Variants in CYP2W1 observed in about 807,000 individuals in gnomAD.
CYP2W1 encodes cytochrome P450 2W1.
In CYP2W1, 51 loss-of-function variants were observed where a neutral mutation model predicts 44.9. The observed-to-expected ratio is 1.14, with a 90% CI of 0.91 to 1.43. The LOEUF is 1.43. CYP2W1 is among the 40% of genes most tolerant of loss of function. CYP2W1 has a pLI of 0.00. For synonymous variants in CYP2W1, 383 were observed against 338.3 expected, an observed-to-expected ratio of 1.13 and a Z score of -1.45; for missense variants, 746 against 700.0, an observed-to-expected ratio of 1.07 and a Z score of -0.74.
In CYP2W1 at chr7:987,140, A is replaced by G; in HGVS notation, c.853A>G (p.Asn285Asp). 6.4e-7 allele frequency: 1 copy of G among 1,573,072 alleles called. No individual in the cohort carries two copies. The highest frequency in any genetic ancestry group is 8.6e-7 in the Non-Finnish European group (1 of 1,158,390). ...DDPEGLFAEANAVACTLDMVM... is the reference protein window; with the variant it reads ...DDPEGLFAEADAVACTLDMVM... ...CCCCGAGGGCCTGTTTGCTGAGGCC[A>G]ACGCGGTGGCCTGCACCCTGGACAT... Residue 285 changes from asparagine to aspartate, a missense_variant, in exon 6 of 9, where the codon AAC becomes GAC. Asn to Asp is a conservative substitution (Grantham distance 23). Coordinates refer to ENST00000308919, the MANE Select transcript of CYP2W1 (RefSeq NM_017781.3).
chr7:987,226 C>A lies in CYP2W1; in HGVS notation c.939C>A (p.Gly313=). The A allele has an allele frequency of 6.5e-7, 1 of 1,536,132 alleles. No homozygotes were observed. The highest frequency in any genetic ancestry group is 2.0e-5 in the Admixed American group (1 of 50,458). The change falls in exon 6 of 9, where the codon GGC becomes GGA. Residue 313 remains glycine (G), a synonymous_variant. Transcript: ENST00000308919. ...ATLQWAALLM[G]RHPDVQGRVQ... The stretch of plus-strand genomic sequence containing the variant: ...TGCAGTGGGCCGCACTTCTGATGGG[C>A]CGGCACCCGGACGTGCAGGGTGAGA...
In CYP2W1 at chr7:988,340, G is replaced by A; in HGVS notation, c.1207G>A (p.Gly403Ser). ...GGATGAGACACAGTGGCAGACCCCA[G>A]GCCAGTTCAACCCCGGCCATTTCCT... ...LLDETQWQTP[G>S]QFNPGHFLDA... Residue 403 changes from glycine to serine, a missense_variant, in exon 8 of 9, where the codon GGC (glycine) becomes AGC (serine). Transcript: ENST00000308919. The A allele has an allele frequency of 1.9e-6, 3 of 1,612,558 alleles. No individual in the cohort carries two copies. The highest frequency in any genetic ancestry group is 2.5e-6 in the Non-Finnish European group (3 of 1,179,750).
At chr7:985,418 CT>C in intron 4 of CYP2W1, 95 bp downstream of exon 4, 1 of 1,333,588 alleles carries the variant, frequency 7.5e-7, no homozygotes, top group Non-Finnish European at 1.0e-6. Context: ...CCCCTCTCAG[CT>C]TCTCGGCCCT....
Position 987,473 on chromosome 7 carries a change from C to A in CYP2W1, c.1085C>A (p.Pro362Gln). 6.4e-7 allele frequency: 1 copy of A among 1,560,530 alleles called. No homozygotes were observed. Among genetic ancestry groups the A allele is most frequent in the Non-Finnish European group, 8.6e-7 (1 of 1,161,098 alleles). ...GTGCAGCGGTTCATCACGCTCCTGCCGCACGTGCCCCGCTGCACCGCGGCC... is the reference window on the plus strand; with the variant it reads ...GTGCAGCGGTTCATCACGCTCCTGCAGCACGTGCCCCGCTGCACCGCGGCC... ...HEVQRFITLL[P>Q]HVPRCTAADT... Residue 362 changes from proline to glutamine, a missense_variant, in exon 7 of 9, where the codon CCG (proline) becomes CAG (glutamine). Physicochemically the swap from Pro to Gln is moderately conservative, Grantham distance 76. Coordinates refer to ENST00000308919, the MANE Select transcript of CYP2W1 (RefSeq NM_017781.3).
rs762272792 is a variant in CYP2W1, at chr7:988,785, C to G, written c.1436C>G (p.Pro479Arg). 4 of 1,595,578 alleles carry G rather than the reference C, an allele frequency of 2.5e-6. No individual in the cohort carries two copies. The highest frequency in any genetic ancestry group is 3.4e-6 in the Non-Finnish European group (4 of 1,177,944). ...TTPARAFTMRPRAQALCAVPR... is the reference protein window; with the variant it reads ...TTPARAFTMRRRAQALCAVPR... ...CCCGCCCGGGCTTTTACCATGAGGC[C>G]GAGGGCCCAGGCCCTGTGTGCGGTG... The change falls in exon 9 of 9, where the codon CCG becomes CGG. Residue 479 changes from proline to arginine, a missense_variant. Transcript: ENST00000308919.
Position 988,945 on chromosome 7 carries a change from AC to A in CYP2W1, c.*128del. On this transcript the variant is annotated 3_prime_UTR_variant, in exon 9 of 9. Coordinates refer to ENST00000308919, the MANE Select transcript of CYP2W1 (RefSeq NM_017781.3). ...GAGGGCCCTGAGGACTCCCACCCTC[AC>A]CCCCACCCCCACAGGGTCAGCAACT... is the stretch of plus-strand genomic sequence containing the variant. 6.9e-6 allele frequency: 4 copies of A among 579,004 alleles called. No homozygotes were observed. Among genetic ancestry groups the A allele is most frequent in the East Asian group, 5.9e-5 (2 of 33,978 alleles). 35.9% of individuals were successfully genotyped at this position (579,004 alleles called of 1,614,324 possible). A position where few individuals can be genotyped will look rare whatever the true frequency, so the allele number is the denominator to read the frequency against.
chr7:985,627 G>C (rs1848280965), intron 4 of CYP2W1, among the ~76,000 whole-genome samples: 3 of 152,166 alleles, frequency 2.0e-5, no homozygotes, highest in Admixed American at 1.3e-4. Context: ...AGAATTGCGG[G>C]GGGCTCCATG....
In CYP2W1 at chr7:983,401, C is replaced by T. The variant is rs369011818; in HGVS notation, c.174+16C>T. On this transcript the variant is annotated intron_variant, in intron 1 of 8. Coordinates refer to ENST00000308919, the MANE Select transcript of CYP2W1 (RefSeq NM_017781.3). ...CCTGATGGAGGTAAGTCAGGGAGCC[C>T]GGGCAGCTCTTGCCGCTTGGACAGC... 6.5e-5 allele frequency: 97 copies of T among 1,484,626 alleles called. No individual in the cohort carries two copies. The African/African-American group carries it at 9.4e-4, about 14-fold the overall frequency. 92.0% of individuals were successfully genotyped at this position (1,484,626 alleles called of 1,614,324 possible).
rs376227440 is a variant in CYP2W1, at chr7:988,363, C to T, written c.1230C>T (p.Phe410=). 1.4e-5 allele frequency: 22 copies of T among 1,612,586 alleles called. No individual in the cohort carries two copies. Among genetic ancestry groups the T allele is most frequent in the Non-Finnish European group, 1.8e-5 (21 of 1,179,830 alleles). ...QTPGQFNPGH[F]LDANGHFVKR... ...CAGGCCAGTTCAACCCCGGCCATTT[C>T]CTGGACGCGAATGGGCACTTTGTGA... is the stretch of plus-strand genomic sequence containing the variant. The change falls in exon 8 of 9, where the codon TTC becomes TTT. Residue 410 remains phenylalanine (F), a synonymous_variant. Transcript: ENST00000308919.
intron 1 of CYP2W1, 100 bp downstream of exon 1, chr7:983,485 A>G (rs1416767236): frequency 1.6e-6 from 2 of 1,231,888 alleles, no homozygotes; most frequent in African/African-American, 3.1e-5. Flanking sequence ...GCCTGTTCCC[A>G]CATGGTGCCG....
chr7:984,034 G>A (rs1848129044), intron 1 of CYP2W1, among the ~76,000 whole-genome samples: 1 of 152,198 alleles, frequency 6.6e-6, no homozygotes, highest in Admixed American at 6.5e-5. Flanking sequence ...ACGGATCAGG[G>A]TCTCTGGGGG....
chr7:987,258 C>T lies in CYP2W1; in HGVS notation c.958+13C>T, dbSNP rs554900839. The T allele has an allele frequency of 4.0e-5, 61 of 1,508,798 alleles. No individual in the cohort carries two copies. The African/African-American group carries it at 7.6e-4, about 19-fold the overall frequency. 93.5% of individuals were successfully genotyped at this position (1,508,798 alleles called of 1,614,324 possible). On this transcript the variant is annotated intron_variant, in intron 6 of 8. Transcript: ENST00000308919. ...CCGGACGTGCAGGGTGAGACCCCGG[C>T]GCCTGGCGAGACGGCTCCTTCTGCC...
Position 986,776 on chromosome 7 carries a change from C to T in CYP2W1, c.798C>T (p.Asp266=), listed in dbSNP as rs146145322. 58 of 1,584,010 alleles carry T rather than the reference C, an allele frequency of 3.7e-5. No individual in the cohort carries two copies. Among genetic ancestry groups the T allele is most frequent in the Middle Eastern group, 3.4e-4 (2 of 5,948 alleles). The change falls in exon 5 of 9, where the codon GAC becomes GAT. Residue 266 remains aspartate, a synonymous_variant. Coordinates refer to ENST00000308919, the MANE Select transcript of CYP2W1 (RefSeq NM_017781.3). The stretch of plus-strand genomic sequence containing the variant: ...GGGACCCCGTGTGCAGCTATGTGGA[C>T]GCCCTGATCCAGCAGGGACAGGTGT... ...CPGDPVCSYV[D]ALIQQGQGDD...
chr7:984,449 T>G lies in CYP2W1; in HGVS notation c.212T>G (p.Leu71Arg), dbSNP rs1327409783. Residue 71 changes from leucine to arginine, a missense_variant, in exon 2 of 9, where the codon CTG becomes CGG. Coordinates refer to ENST00000308919, the MANE Select transcript of CYP2W1 (RefSeq NM_017781.3). ...ERYGPVFTVH[L>R]GRQKTVVLTG... ...TACGGGCCGGTGTTCACCGTGCACC[T>G]GGGGCGCCAGAAGACGGTGGTGCTG... 32 of 1,549,636 alleles carry G rather than the reference T, an allele frequency of 2.1e-5. No homozygotes were observed. Among genetic ancestry groups the G allele is most frequent in the Non-Finnish European group, 2.8e-5 (32 of 1,147,198 alleles).
At chr7:987,846 T>TG (rs140291122) in intron 7 of CYP2W1, among the ~76,000 whole-genome samples, 17 of 147,866 alleles carry the variant, frequency 1.1e-4, no homozygotes, top group East Asian at 2.0e-4. Flanking sequence ...CTCTGTATCC[T>TG]GGGGGGGTCC....
chr7:983,487 A>G (rs1848079497), intron 1 of CYP2W1, 102 bp downstream of exon 1: 1 of 1,217,204 alleles, frequency 8.2e-7, no homozygotes, highest in Admixed American at 3.3e-5. Context: ...CTGTTCCCAC[A>G]TGGTGCCGGG....
Position 984,461 on chromosome 7 carries a change from A to G in CYP2W1, c.224A>G (p.Lys75Arg). 1 of 1,550,890 alleles carries G rather than the reference A, an allele frequency of 6.4e-7. No individual in the cohort carries two copies. Residue 75 changes from lysine (K) to arginine (R), a missense_variant, in exon 2 of 9, where the codon AAG becomes AGG. By Grantham distance (26) the Lys-to-Arg change is conservative. Transcript: ENST00000308919. ...PVFTVHLGRQKTVVLTGFEAV... is the reference protein window; with the variant it reads ...PVFTVHLGRQRTVVLTGFEAV... ...TTCACCGTGCACCTGGGGCGCCAGAAGACGGTGGTGCTGACGGGGTTCGAG... is the reference window on the plus strand; with the variant it reads ...TTCACCGTGCACCTGGGGCGCCAGAGGACGGTGGTGCTGACGGGGTTCGAG...
intron 8 of CYP2W1, 78 bp from the exon 9 acceptor site, chr7:988,551 TGTGCTC>T (rs1443224650): frequency 1.3e-6 from 2 of 1,597,800 alleles, no homozygotes; most frequent in Non-Finnish European, 1.7e-6. Flanking sequence ...TGGCTGCTCC[TGTGCTC>T]CCCTGGGGAG....
rs757299530 is a variant in CYP2W1 at position 988,602 on chromosome 7, G to A, written c.1286-33G>A. On this transcript the variant is annotated intron_variant, in intron 8 of 8. Coordinates refer to ENST00000308919, the MANE Select transcript of CYP2W1 (RefSeq NM_017781.3). Reference sequence around the variant, plus strand: ...CCTCCCCTCCAGGAGCAGGCCTGGTGCAGCCCACTCTGTGCCTGGACATCC... The same window carrying A: ...CCTCCCCTCCAGGAGCAGGCCTGGTACAGCCCACTCTGTGCCTGGACATCC... The A allele has an allele frequency of 5.6e-6, 9 of 1,602,618 alleles. No individual in the cohort carries two copies. In the East Asian group the frequency reaches 1.8e-4, roughly 32 times the overall value.
Sources: gnomAD v4.1 joint callset for allele counts (sites outside exome capture counted in the v4.1 genomes callset) on GRCh38, gnomAD v4.1.1 for gene constraint, MANE v1.5 for transcripts, NCBI Gene and HGNC (gene_info 2026-07-23, HGNC 2026-07-21) for gene names.